The following APOB variants were observed in gnomAD, a reference collection of about 807,000 sequenced individuals.
The protein encoded by APOB is apolipoprotein B, also known as apolipoprotein B-100.
In APOB, 153 loss-of-function variants were observed where a neutral mutation model predicts 314.1. The observed-to-expected ratio is 0.49, with a 90% CI of 0.43 to 0.56. APOB has a LOEUF of 0.56. Among genes scored for constraint, APOB ranks in the 20% least tolerant of loss-of-function variants. The pLI, the probability that APOB is intolerant of heterozygous loss-of-function variation, is 0.00. For missense variants in APOB, 5,430 were observed against 5,350.7 expected, an observed-to-expected ratio of 1.01 and a Z score of -0.46; for synonymous variants, 2,087 against 2,036.4, an observed-to-expected ratio of 1.02 and a Z score of -0.67.
In APOB at chr2:21,035,705, G is replaced by A. The variant is rs1470195999; in HGVS notation, c.697C>T (p.Arg233Cys). The A allele has an allele frequency of 1.1e-5, 17 of 1,613,844 alleles. No individual in the cohort carries two copies. Among genetic ancestry groups the A allele is most frequent in the East Asian group, 2.2e-5 (1 of 44,896 alleles). Residue 233 changes from arginine to cysteine, a missense_variant, in exon 7 of 29, where the codon CGC becomes TGC. Coordinates refer to ENST00000233242, the MANE Select transcript of APOB (RefSeq NM_000384.3). ...SPLALIKGMT[R>C]PLSTLISSSQ... ...CTGCTGATCAGAGTTGACAAGGGGCGGGTCTATGAAAGAGATTGGAGACGA... is the reference window on the plus strand; with the variant it reads ...CTGCTGATCAGAGTTGACAAGGGGCAGGTCTATGAAAGAGATTGGAGACGA...
intron 4 of APOB, among the ~76,000 whole-genome samples, chr2:21,039,767 CA>C (rs1664088003): frequency 6.6e-6 from 1 of 151,966 alleles, no homozygotes. Flanking sequence ...TGGAGAAGAC[CA>C]AGGACCAAAA....
In APOB at chr2:21,032,615, C is replaced by A. The variant is rs753231411; in HGVS notation, c.1125-34G>T. On this transcript the variant is annotated intron_variant, in intron 9 of 28. Coordinates refer to ENST00000233242, the MANE Select transcript of APOB (RefSeq NM_000384.3). ...AAAGACATGGATAAAGTTATACAGA[C>A]CACCTTCAGGGCACATAAAATATTG... 43 of 1,537,998 alleles carry A rather than the reference C, an allele frequency of 2.8e-5. No homozygotes were observed. The South Asian group carries it at 4.5e-4, about 16-fold the overall frequency.
At position 21,043,996 on chromosome 2, in the gene APOB, C is replaced by A; in HGVS notation, c.-51G>T. On this transcript the variant is annotated 5_prime_UTR_variant, in exon 1 of 29. Coordinates refer to ENST00000233242, the MANE Select transcript of APOB (RefSeq NM_000384.3). ...GGGCTGCGGCCTGGCCTCGGCCTCG[C>A]GGCCCTGGCTGGCTGGGCGGGCTCC... The A allele has an allele frequency of 3.0e-6, 3 of 1,010,578 alleles. No individual in the cohort carries two copies. The highest frequency in any genetic ancestry group is 2.5e-6 in the Non-Finnish European group (2 of 791,444). The allele number at this position is 1,010,578 out of a possible 1,614,324, so 62.6% of individuals were successfully genotyped here.
chr2:21,040,739 A>T (rs995400735), intron 4 of APOB, among the ~76,000 whole-genome samples, 199 bp downstream of exon 4: 1 of 152,218 alleles, frequency 6.6e-6, no homozygotes, highest in Non-Finnish European at 1.5e-5. Flanking sequence ...CATGAAAATG[A>T]TAATTAAAGG....
At chr2:21,015,846 A>G (rs1331288134) in intron 21 of APOB, among the ~76,000 whole-genome samples, 7 of 152,210 alleles carry the variant, frequency 4.6e-5, no homozygotes, top group Non-Finnish European at 7.3e-5. Context: ...TTCCTTATCC[A>G]TGAAACAGGA....
rs985120737 is a variant in APOB, at chr2:21,043,916, C to G, written c.30G>C (p.Ala10=). Residue 10 remains alanine, a synonymous_variant, in exon 1 of 29, where the codon GCG becomes GCC. Transcript: ENST00000233242. ...GCAGCAGCGCAGGCAGCGCCAGCAG[C>G]GCCAGCAGCGCGGGCCTCGGCGGGT... is the stretch of plus-strand genomic sequence containing the variant. MDPPRPALL[A]LLALPALLLL... is the part of the protein sequence containing the mutation. The G allele has an allele frequency of 7.1e-7, 1 of 1,411,598 alleles. No homozygotes were observed. Among genetic ancestry groups the G allele is most frequent in the Non-Finnish European group, 9.2e-7 (1 of 1,085,422 alleles). 87.4% of individuals were successfully genotyped at this position (1,411,598 alleles called of 1,614,324 possible).
chr2:21,015,518 G>T lies in APOB; in HGVS notation c.3360C>A (p.Ile1120=). The change falls in exon 22 of 29, where the codon ATC becomes ATA. Residue 1120 remains isoleucine (I), a synonymous_variant. Coordinates refer to ENST00000233242, the MANE Select transcript of APOB (RefSeq NM_000384.3). ...AACGGGGTATGGAAATAACACCCTT[G>T]ATTTTTCTTTCTTCCTTTGTGTCAC... The part of the protein sequence containing the change: ...LSCDTKEERK[I]KGVISIPRLQ... 2 of 1,613,688 alleles carry T rather than the reference G, an allele frequency of 1.2e-6. No homozygotes were observed. The highest frequency in any genetic ancestry group is 1.7e-6 in the Non-Finnish European group (2 of 1,180,010).
At chr2:21,026,695 G>T in intron 15 of APOB, 93 bp downstream of exon 15, 1 of 1,035,192 alleles carries the variant, frequency 9.7e-7, no homozygotes. Context: ...CCTTCAGTTA[G>T]ATAGTATTTT....
rs564171124 is a variant in APOB at position 21,004,558 on chromosome 2, T to C, written c.11903+3A>G. ...AGGTTTCAATTCAATAAAAGCTCCA[T>C]ACTGAAGTCCTTCATATTTGCCATC... On this transcript the variant is annotated splice_donor_region_variant and intron_variant, in intron 27 of 28. Transcript: ENST00000233242. 1.9e-6 allele frequency: 3 copies of C among 1,613,344 alleles called. No homozygotes were observed. Among genetic ancestry groups the C allele is most frequent in the African/African-American group, 1.3e-5 (1 of 75,030 alleles).
chr2:21,002,490 T>A lies in APOB; in HGVS notation c.12932A>T (p.Glu4311Val). 1.2e-6 allele frequency: 2 copies of A among 1,612,152 alleles called. No homozygotes were observed. The highest frequency in any genetic ancestry group is 1.7e-6 in the Non-Finnish European group (2 of 1,178,486). The change falls in exon 29 of 29, where the codon GAA becomes GTA. Residue 4311 changes from glutamate (E) to valine (V), a missense_variant. Transcript: ENST00000233242. ...DLLQFIFQLI[E>V]DNIKQLKEMK... ...CTCTTTCAGCTGTTTAATGTTATCT[T>A]CTATTAGTTGGAAAATGAATTGTAA... is the stretch of plus-strand genomic sequence containing the variant.
In APOB at chr2:21,011,188, T is replaced by G. The variant is rs1195889645; in HGVS notation, c.5680A>C (p.Asn1894His). ...GGGGCCATTACAGAACGGAAGACAT[T>G]GCTGAAATGCAGTGAGTCTGAATTA... is the stretch of plus-strand genomic sequence containing the variant. ...NYNSDSLHFS[N>H]VFRSVMAPFT... The change falls in exon 26 of 29, where the codon AAT becomes CAT. Residue 1894 changes from asparagine to histidine, a missense_variant. Coordinates refer to ENST00000233242, the MANE Select transcript of APOB (RefSeq NM_000384.3). The G allele has an allele frequency of 6.2e-7, 1 of 1,614,186 alleles. No homozygotes were observed. Among genetic ancestry groups the G allele is most frequent in the Middle Eastern group, 1.6e-4 (1 of 6,062 alleles).
rs1211540171 is a variant in APOB at position 21,014,605 on chromosome 2, CAGG to C, written c.3697-15_3697-13del. 2 of 1,613,916 alleles carry C rather than the reference CAGG, an allele frequency of 1.2e-6. No individual in the cohort carries two copies. The highest frequency in any genetic ancestry group is 1.3e-5 in the African/African-American group (1 of 75,018). On this transcript the variant is annotated splice_polypyrimidine_tract_variant and intron_variant, in intron 23 of 28. Coordinates refer to ENST00000233242, the MANE Select transcript of APOB (RefSeq NM_000384.3). The stretch of plus-strand genomic sequence containing the variant: ...CATGAGCTCATTGCCTACAAAATGA[CAGG>C]AGATTTTTAAGGTAATGGGCTTGGA...
Position 21,026,921 on chromosome 2 carries a change from A to G in APOB, c.2111T>C (p.Leu704Pro). 6.2e-7 allele frequency: 1 copy of G among 1,614,232 alleles called. No homozygotes were observed. The highest frequency in any genetic ancestry group is 8.5e-7 in the Non-Finnish European group (1 of 1,180,040). ...TGGGAAAAATCCTTGCTTCCCAAAA[A>G]GAGCTTCCAATGTTGGCTCAAAGCC... is the stretch of plus-strand genomic sequence containing the variant. ...GKGFEPTLEA[L>P]FGKQGFFPDS... Residue 704 changes from leucine to proline, a missense_variant, in exon 15 of 29, where the codon CTT becomes CCT. Around this residue, in one of 3 missense-constraint regions of APOB, gnomAD observed 2,085 missense variants for 2,079.7 expected, o/e 1.00. Coordinates refer to ENST00000233242, the MANE Select transcript of APOB (RefSeq NM_000384.3).
In APOB at chr2:21,037,272, T is replaced by C; in HGVS notation, c.538-17A>G. 1 of 1,613,604 alleles carries C rather than the reference T, an allele frequency of 6.2e-7. No individual in the cohort carries two copies. Among genetic ancestry groups the C allele is most frequent in the Non-Finnish European group, 8.5e-7 (1 of 1,179,760 alleles). On this transcript the variant is annotated splice_polypyrimidine_tract_variant and intron_variant, in intron 5 of 28. Transcript: ENST00000233242. ...CACGGTATCCTATGGAGGAAGAAGA[T>C]GCAACCACATGTATTCAACACGGGC...
At position 21,010,580 on chromosome 2, in the gene APOB, C is replaced by T. The variant is rs752946138; in HGVS notation, c.6288G>A (p.Gln2096=). The T allele has an allele frequency of 6.2e-7, 1 of 1,613,802 alleles. No individual in the cohort carries two copies. The highest frequency in any genetic ancestry group is 8.5e-7 in the Non-Finnish European group (1 of 1,179,894). ...CAATATTGATGTGCTTCAGGTTTCTCTGTACGTTTTCCAGTACAACTATAA... is the reference window on the plus strand; with the variant it reads ...CAATATTGATGTGCTTCAGGTTTCTTTGTACGTTTTCCAGTACAACTATAA... The part of the protein sequence containing the change: ...QTIIVVLENV[Q]RNLKHINIDQ... Residue 2096 remains glutamine (Q), a synonymous_variant, in exon 26 of 29, where the codon CAG becomes CAA. Coordinates refer to ENST00000233242, the MANE Select transcript of APOB (RefSeq NM_000384.3).
chr2:21,009,302 T>C lies in APOB; in HGVS notation c.7566A>G (p.Arg2522=), dbSNP rs574531379. 6.2e-7 allele frequency: 1 copy of C among 1,614,118 alleles called. No individual in the cohort carries two copies. The highest frequency in any genetic ancestry group is 1.7e-5 in the Admixed American group (1 of 60,020). The part of the protein sequence containing the change: ...FRETLEDTRD[R]MYQMDIQQEL... The stretch of plus-strand genomic sequence containing the variant: ...CCTGCTGAATGTCCATTTGATACAT[T>C]CGGTCTCGTGTATCTTCTAGGGTCT... The change falls in exon 26 of 29, where the codon CGA becomes CGG. Residue 2522 remains arginine, a synonymous_variant. Coordinates refer to ENST00000233242, the MANE Select transcript of APOB (RefSeq NM_000384.3).
In APOB at chr2:21,003,263, C is replaced by T; in HGVS notation, c.12159G>A (p.Gln4053=). 3.1e-6 allele frequency: 5 copies of T among 1,613,856 alleles called. No homozygotes were observed. Among genetic ancestry groups the T allele is most frequent in the Non-Finnish European group, 4.2e-6 (5 of 1,179,940 alleles). Reference sequence around the variant, plus strand: ...CCTCTTCTTCCCAATTAACTTTGATCTGAGTTTCCTCATCAGATTCCCGGA... The same window carrying T: ...CCTCTTCTTCCCAATTAACTTTGATTTGAGTTTCCTCATCAGATTCCCGGA... ...LRVRESDEET[Q]IKVNWEEEAA... is the part of the protein sequence containing the mutation. Residue 4053 remains glutamine, a synonymous_variant, in exon 29 of 29, where the codon CAG becomes CAA. Coordinates refer to ENST00000233242, the MANE Select transcript of APOB (RefSeq NM_000384.3).
At chr2:21,029,489 GAGGGAGGAAGGA>G in intron 12 of APOB, 138 bp downstream of exon 12, 1 of 843,814 alleles carries the variant, frequency 1.2e-6, no homozygotes, top group Non-Finnish European at 1.9e-6. Flanking sequence ...GAAAGGGAGG[GAGGGAGGAAGGA>G]AGGAAGGAAG....
At chr2:21,041,418 A>G (rs994831583) in intron 3 of APOB, among the ~76,000 whole-genome samples, 2 of 152,258 alleles carry the variant, frequency 1.3e-5, no homozygotes, top group Non-Finnish European at 2.9e-5. Context: ...GCTGCAGACT[A>G]GGAGTGAAAG....
Sources: allele counts gnomAD v4.1 joint callset (sites outside exome capture counted in the v4.1 genomes callset), GRCh38; gene constraint gnomAD v4.1.1; regional missense constraint gnomAD v4.1.1; transcripts MANE v1.5; gene names NCBI Gene and HGNC (gene_info 2026-07-23, HGNC 2026-07-21).